The following ACTG1 variants were observed in gnomAD, a reference collection of about 807,000 sequenced individuals.
The protein encoded by ACTG1 is actin gamma 1.
A neutral mutation model predicts 34.3 loss-of-function variants in ACTG1; 14 were observed. The ratio of observed to expected loss-of-function variants is 0.41; its 90% CI spans 0.27 to 0.64. The LOEUF (loss-of-function observed/expected upper bound fraction) is 0.64, where lower values mean the gene tolerates loss of function less well. ACTG1 is among the 30% of genes least tolerant of loss of function. The pLI is 0.33. For missense variants in ACTG1, 233 were observed against 529.5 expected, an observed-to-expected ratio of 0.44 and a Z score of 5.50; for synonymous variants, 422 against 213.9, an observed-to-expected ratio of 1.97 and a Z score of -8.49.
intron 3 of ACTG1, 84 bp downstream of exon 3, chr17:81,511,819 A>G (rs781929376): frequency 1.9e-6 from 3 of 1,603,002 alleles, no homozygotes; most frequent in South Asian, 2.2e-5. Flanking sequence ...ACAGCGAAAG[A>G]AACACTTAAA....
rs11549201 is a variant in ACTG1, at chr17:81,511,612, G to C, written c.378C>G (p.Thr126=). 3.7e-6 allele frequency: 6 copies of C among 1,613,482 alleles called. No individual in the cohort carries two copies. The Admixed American group carries it at 8.3e-5, about 22-fold the overall frequency. ...REKMTQIMFE[T]FNTPAMYVAI... ...CCACGTACATGGCCGGGGTGTTGAAGGTCTCAAACATAATCTGAGAAGGGA... is the reference window on the plus strand; with the variant it reads ...CCACGTACATGGCCGGGGTGTTGAACGTCTCAAACATAATCTGAGAAGGGA... Residue 126 remains threonine, a synonymous_variant, in exon 4 of 6, where the codon ACC becomes ACG. Coordinates refer to ENST00000573283, the MANE Select transcript of ACTG1 (RefSeq NM_001614.5).
At position 81,510,590 on chromosome 17, in the gene ACTG1, C is replaced by T. The variant is rs1219283717; in HGVS notation, c.*100G>A. On this transcript the variant is annotated 3_prime_UTR_variant, in exon 6 of 6. Transcript: ENST00000573283. The stretch of plus-strand genomic sequence containing the variant: ...ACAATTTCTTTTCGAAGGCTTATTC[C>T]AGTTTCGTGAGGCTAGCATGAGGTG... 6.8e-7 allele frequency: 1 copy of T among 1,465,022 alleles called. No individual in the cohort carries two copies. Among genetic ancestry groups the T allele is most frequent in the Non-Finnish European group, 9.6e-7 (1 of 1,047,036 alleles). The allele number at this position is 1,465,022 out of a possible 1,614,324, so 90.8% of individuals were successfully genotyped here.
rs2031901934 is a variant in ACTG1, at chr17:81,512,749, A to AT, written c.-23_-22insA. On this transcript the variant is annotated 5_prime_UTR_variant, in exon 1 of 6. Coordinates refer to ENST00000573283, the MANE Select transcript of ACTG1 (RefSeq NM_001614.5). ...GGGCGCTCACCGGCAGAGAAACGCG[A>AT]CGGCGGAGCGGCGGAAGAACAGAGT... 2.4e-6 allele frequency: 1 copy of AT among 413,290 alleles called. No homozygotes were observed. Among genetic ancestry groups the AT allele is most frequent in the Non-Finnish European group, 4.7e-6 (1 of 211,430 alleles). 25.6% of individuals were successfully genotyped at this position (413,290 alleles called of 1,614,324 possible). A position where few individuals can be genotyped will look rare whatever the true frequency, so the allele number is the denominator to read the frequency against.
In ACTG1 at chr17:81,510,008, G is replaced by A. The variant is rs1555665969; in HGVS notation, c.*682C>T. On this transcript the variant is annotated 3_prime_UTR_variant, in exon 6 of 6. Coordinates refer to ENST00000573283, the MANE Select transcript of ACTG1 (RefSeq NM_001614.5). ...GCACTTTTATTTTTCCTTACACAAT[G>A]ACGTGTTGCTGGGGCCTAATGTTCT... The A allele has an allele frequency of 7.1e-6, 3 of 420,476 alleles. No homozygotes were observed. The highest frequency in any genetic ancestry group is 5.1e-5 in the South Asian group (3 of 59,308). 26.0% of individuals were successfully genotyped at this position (420,476 alleles called of 1,614,324 possible). A position where few individuals can be genotyped will look rare whatever the true frequency, so the allele number is the denominator to read the frequency against.
In ACTG1 at chr17:81,510,646, T is replaced by G; in HGVS notation, c.*44A>C. 1 of 1,612,396 alleles carries G rather than the reference T, an allele frequency of 6.2e-7. No homozygotes were observed. Among genetic ancestry groups the G allele is most frequent in the Non-Finnish European group, 8.5e-7 (1 of 1,179,600 alleles). On this transcript the variant is annotated 3_prime_UTR_variant, in exon 6 of 6. Transcript: ENST00000573283. ...ATTTGCCAGGGGCAAATTTCTATTC[T>G]CAATTAACCCATGCAGCAAATGCTA...
chr17:81,510,598 T>C lies in ACTG1; in HGVS notation c.*92A>G. ...TTTTCGAAGGCTTATTCCAGTTTCG[T>C]GAGGCTAGCATGAGGTGTGTGCATT... On this transcript the variant is annotated 3_prime_UTR_variant, in exon 6 of 6. Transcript: ENST00000573283. The C allele has an allele frequency of 6.6e-7, 1 of 1,522,554 alleles. No homozygotes were observed. The highest frequency in any genetic ancestry group is 9.1e-7 in the Non-Finnish European group (1 of 1,098,820). 94.3% of individuals were successfully genotyped at this position (1,522,554 alleles called of 1,614,324 possible). A position where few individuals can be genotyped will look rare whatever the true frequency, so the allele number is the denominator to read the frequency against.
At position 81,510,343 on chromosome 17, in the gene ACTG1, A is replaced by G; in HGVS notation, c.*347T>C. The G allele has an allele frequency of 2.2e-6, 1 of 445,260 alleles. No individual in the cohort carries two copies. Among genetic ancestry groups the G allele is most frequent in the African/African-American group, 2.0e-5 (1 of 49,516 alleles). The allele number at this position is 445,260 out of a possible 1,614,324, so 27.6% of individuals were successfully genotyped here. A position where few individuals can be genotyped will look rare whatever the true frequency, so the allele number is the denominator to read the frequency against. ...CACGTTAATACCCTGCACAGATCAG[A>G]GGCTGCTGGCCACACAGACTCACCA... is the stretch of plus-strand genomic sequence containing the variant. On this transcript the variant is annotated 3_prime_UTR_variant, in exon 6 of 6. Transcript: ENST00000573283.
At position 81,510,293 on chromosome 17, in the gene ACTG1, G is replaced by C. The variant is rs782391320; in HGVS notation, c.*397C>G. The C allele has an allele frequency of 6.3e-6, 3 of 478,562 alleles. No homozygotes were observed. The highest frequency in any genetic ancestry group is 6.1e-5 in the African/African-American group (3 of 49,406). The allele number at this position is 478,562 out of a possible 1,614,324, so 29.6% of individuals were successfully genotyped here. On this transcript the variant is annotated 3_prime_UTR_variant, in exon 6 of 6. Transcript: ENST00000573283. The stretch of plus-strand genomic sequence containing the variant: ...CAACTGGTTCTTGCCAGCCTCTAGA[G>C]AAATCCCAGAACACTCAGCCCTGAC...
rs782557587 is a variant in ACTG1 at position 81,510,835 on chromosome 17, T to TGCAA, written c.985-6_985-3dup. Reference sequence around the variant, plus strand: ...CTTGCGCTCTGGGGGTGCGATGATCTGCAAAGACAGCCAGGCACGGCTTCA... The same window carrying TGCAA: ...CTTGCGCTCTGGGGGTGCGATGATCTGCAAGCAAAGACAGCCAGGCACGGCTTCA... On this transcript the variant is annotated splice_region_variant and splice_polypyrimidine_tract_variant and intron_variant, in intron 5 of 5. Transcript: ENST00000573283. 1.2e-6 allele frequency: 2 copies of TGCAA among 1,613,646 alleles called. No individual in the cohort carries two copies. Among genetic ancestry groups the TGCAA allele is most frequent in the Non-Finnish European group, 1.7e-6 (2 of 1,179,952 alleles).
chr17:81,512,658 C>T, intron 1 of ACTG1, 76 bp downstream of exon 1: 1 of 436,076 alleles, frequency 2.3e-6, no homozygotes, highest in Non-Finnish European at 4.2e-6. Context: ...GCCTCGGCAG[C>T]TGGAAGCGGG....
Position 81,510,016 on chromosome 17 carries a change from G to A in ACTG1, c.*674C>T. On this transcript the variant is annotated 3_prime_UTR_variant, in exon 6 of 6. Transcript: ENST00000573283. ...ATTTTTCCTTACACAATGACGTGTTGCTGGGGCCTAATGTTCTCACATAAC... is the reference window on the plus strand; with the variant it reads ...ATTTTTCCTTACACAATGACGTGTTACTGGGGCCTAATGTTCTCACATAAC... The A allele has an allele frequency of 4.7e-6, 2 of 425,534 alleles. No homozygotes were observed. The highest frequency in any genetic ancestry group is 3.3e-5 in the South Asian group (2 of 60,194). 26.4% of individuals were successfully genotyped at this position (425,534 alleles called of 1,614,324 possible). A position where few individuals can be genotyped will look rare whatever the true frequency, so the allele number is the denominator to read the frequency against.
At chr17:81,512,424 C>T (rs1369647656) in intron 1 of ACTG1, 64 bp from the exon 2 acceptor site, 22 of 1,612,866 alleles carry the variant, frequency 1.4e-5, no homozygotes, top group Non-Finnish European at 1.8e-5. Context: ...CCACAGCCAC[C>T]TAATGCCCTC....
intron 1 of ACTG1, 127 bp from the exon 2 acceptor site, chr17:81,512,487 T>C: frequency 2.0e-6 from 3 of 1,500,696 alleles, no homozygotes; most frequent in South Asian, 1.1e-5. Flanking sequence ...GCCTCCAAGA[T>C]CGCAACCGCC....
intron 1 of ACTG1, 32 bp from the exon 2 acceptor site, chr17:81,512,392 C>G (rs1405443561): frequency 1.2e-6 from 2 of 1,613,496 alleles, no homozygotes; most frequent in Admixed American, 1.7e-5. Context: ...CAGGCGGGCG[C>G]GTCTGTAACA....
At position 81,510,671 on chromosome 17, in the gene ACTG1, A is replaced by ACGCATCTGCTGAGTC; in HGVS notation, c.*4_*18dup. On this transcript the variant is annotated 3_prime_UTR_variant, in exon 6 of 6. Transcript: ENST00000573283. ...TCAATTAACCCATGCAGCAAATGCTACGCATCTGCTGAGTCCGTTTAGAAG... is the reference window on the plus strand; with the variant it reads ...TCAATTAACCCATGCAGCAAATGCTACGCATCTGCTGAGTCCGCATCTGCTGAGTCCGTTTAGAAG... 1 of 1,613,346 alleles carries ACGCATCTGCTGAGTC rather than the reference A, an allele frequency of 6.2e-7. No homozygotes were observed. Among genetic ancestry groups the ACGCATCTGCTGAGTC allele is most frequent in the Non-Finnish European group, 8.5e-7 (1 of 1,179,680 alleles).
chr17:81,511,145 A>C (rs1555666558), intron 4 of ACTG1, 37 bp from the exon 5 acceptor site: 2 of 1,613,780 alleles, frequency 1.2e-6, no homozygotes, highest in South Asian at 2.2e-5. Context: ...ATGCTGTGTC[A>C]CCGAGGATGT....
rs1161631413 is a variant in ACTG1 at position 81,510,125 on chromosome 17, T to TA, written c.*564dup. On this transcript the variant is annotated 3_prime_UTR_variant, in exon 6 of 6. Coordinates refer to ENST00000573283, the MANE Select transcript of ACTG1 (RefSeq NM_001614.5). ...AAACCTTACATAAATTAAGAATGAA[T>TA]ACATTTACAGGCGTAAATGCAAACC... The TA allele has an allele frequency of 4.3e-6, 2 of 467,134 alleles. No homozygotes were observed. The highest frequency in any genetic ancestry group is 8.4e-6 in the Non-Finnish European group (2 of 238,572). The allele number at this position is 467,134 out of a possible 1,614,324, so 28.9% of individuals were successfully genotyped here.
At position 81,510,146 on chromosome 17, in the gene ACTG1, A is replaced by C; in HGVS notation, c.*544T>G. Reference sequence around the variant, plus strand: ...TGAATACATTTACAGGCGTAAATGCAAACCGCTTCCAACTCAAAGCAAGTA... The same window carrying C: ...TGAATACATTTACAGGCGTAAATGCCAACCGCTTCCAACTCAAAGCAAGTA... On this transcript the variant is annotated 3_prime_UTR_variant, in exon 6 of 6. Coordinates refer to ENST00000573283, the MANE Select transcript of ACTG1 (RefSeq NM_001614.5). 1.9e-6 allele frequency: 1 copy of C among 514,470 alleles called. No homozygotes were observed. Among genetic ancestry groups the C allele is most frequent in the South Asian group, 1.5e-5 (1 of 65,548 alleles). The allele number at this position is 514,470 out of a possible 1,614,324, so 31.9% of individuals were successfully genotyped here. A position where few individuals can be genotyped will look rare whatever the true frequency, so the allele number is the denominator to read the frequency against.
chr17:81,511,306 G>C lies in ACTG1; in HGVS notation c.684C>G (p.Ala228=), dbSNP rs143125497. 1 of 1,613,756 alleles carries C rather than the reference G, an allele frequency of 6.2e-7. No individual in the cohort carries two copies. The highest frequency in any genetic ancestry group is 8.5e-7 in the Non-Finnish European group (1 of 1,180,034). The change falls in exon 4 of 6, where the codon GCC becomes GCG. Residue 228 remains alanine (A), a synonymous_variant. Transcript: ENST00000573283. The part of the protein sequence containing the change: ...YVALDFEQEM[A]TAASSSSLEK... The stretch of plus-strand genomic sequence containing the variant: ...CCAGAGAAGAGGAGGATGCGGCGGT[G>C]GCCATCTCCTGCTCGAAGTCCAGGG...
Sources: allele counts gnomAD v4.1 joint callset, GRCh38; gene constraint gnomAD v4.1.1; transcripts MANE v1.5; gene names NCBI Gene and HGNC (gene_info 2026-07-23, HGNC 2026-07-21).